The following RRM1 variants were observed in gnomAD, a reference collection of about 807,000 sequenced individuals.
The protein encoded by RRM1 is ribonucleotide reductase catalytic subunit M1, also known as ribonucleoside-diphosphate reductase large subunit.
Under a neutral mutation model 101.5 loss-of-function variants are expected in RRM1, and 19 were observed. The observed-to-expected ratio is 0.19, with a 90% confidence interval of 0.13 to 0.27. The LOEUF is 0.27. Among genes scored for constraint, RRM1 ranks in the 10% least tolerant of loss-of-function variants. The probability of loss-of-function intolerance (pLI) is 1.00; values close to 1 mark genes in which losing one functional copy is unlikely to be tolerated. For missense variants in RRM1, 500 were observed against 962.9 expected (o/e 0.52, Z 6.36); for synonymous variants, 298 against 323.4 (o/e 0.92, Z 0.84).
Position 4,129,062 on chromosome 11 carries a change from T to C in RRM1, c.1693-12T>C. The C allele has an allele frequency of 6.6e-7, 1 of 1,519,612 alleles. No homozygotes were observed. The highest frequency in any genetic ancestry group is 1.9e-5 in the Admixed American group (1 of 52,102). 94.1% of individuals were successfully genotyped at this position (1,519,612 alleles called of 1,614,324 possible). ...CTTGCTGTAGAATAAATTTGAGTTGTGTATTCCTTAGATTCTTCAGTATGA... is the reference window on the plus strand; with the variant it reads ...CTTGCTGTAGAATAAATTTGAGTTGCGTATTCCTTAGATTCTTCAGTATGA... On this transcript the variant is annotated splice_polypyrimidine_tract_variant and intron_variant, in intron 14 of 18. Coordinates refer to ENST00000300738, the MANE Select transcript of RRM1 (RefSeq NM_001033.5).
At chr11:4,095,254 C>T (rs2094542006) in intron 1 of RRM1, among the ~76,000 whole-genome samples, 1 of 152,260 alleles carries the variant, frequency 6.6e-6, no homozygotes, top group Non-Finnish European at 1.5e-5. Flanking sequence ...CTTTGTCATC[C>T]TGCCGCCTTT....
In RRM1 at chr11:4,094,860, T is replaced by C; in HGVS notation, c.-153T>C. 3 of 775,256 alleles carry C rather than the reference T, an allele frequency of 3.9e-6. No individual in the cohort carries two copies. In the South Asian group the frequency reaches 4.8e-5, roughly 12 times the overall value. 48.0% of individuals were successfully genotyped at this position (775,256 alleles called of 1,614,324 possible). ...GATTTGGATTGTTGCGCCTCTGCTCTGAAGAAAGTGCTGTCTGGCTCCAAC... is the reference window on the plus strand; with the variant it reads ...GATTTGGATTGTTGCGCCTCTGCTCCGAAGAAAGTGCTGTCTGGCTCCAAC... On this transcript the variant is annotated 5_prime_UTR_variant, in exon 1 of 19. Transcript: ENST00000300738.
At chr11:4,101,070 A>G (rs537449484) in intron 1 of RRM1, among the ~76,000 whole-genome samples, 1 of 152,286 alleles carries the variant, frequency 6.6e-6, no homozygotes, top group African/African-American at 2.4e-5. Context: ...GGTAAGTGCA[A>G]TGGAGAAAAA....
chr11:4,133,720 A>T (rs1006672423), intron 17 of RRM1, 62 bp downstream of exon 17: 35 of 924,774 alleles, frequency 3.8e-5, no homozygotes, highest in Admixed American at 3.1e-4. Flanking sequence ...GTACCTCCTC[A>T]CTCATGCTAG....
At chr11:4,123,581 C>T (rs956800332) in intron 12 of RRM1, among the ~76,000 whole-genome samples, 197 bp downstream of exon 12, 4 of 152,116 alleles carry the variant, frequency 2.6e-5, no homozygotes, top group Non-Finnish European at 5.9e-5. Context: ...TAGTCTAAGC[C>T]GTGTGGGAAA....
intron 7 of RRM1, among the ~76,000 whole-genome samples, chr11:4,114,788 C>T (rs993310237): frequency 2.0e-5 from 3 of 152,130 alleles, no homozygotes; most frequent in Non-Finnish European, 4.4e-5. Context: ...TCTTGGCTTA[C>T]TGCAGCCTGC....
rs3216546 is a variant in RRM1 at position 4,099,943 on chromosome 11, T to TCC, written c.20-2043_20-2042dup. Among the ~76,000 whole-genome samples, 165 of 151,466 alleles carry TCC rather than the reference T, an allele frequency of 1.1e-3. 2 individuals carry two copies. Among genetic ancestry groups the TCC allele is most frequent in the African/African-American group, 2.0e-3 (82 of 41,298 alleles). On this transcript the variant is annotated intron_variant, in intron 1 of 18. Coordinates refer to ENST00000300738, the MANE Select transcript of RRM1 (RefSeq NM_001033.5). ...GAATTTTCTTTTTGCTAAGTTGCTT[T>TCC]CCCCCCCCACTGCATGTATAATTGC...
chr11:4,107,675 A>G lies in RRM1; in HGVS notation c.387+140A>G, dbSNP rs544052584. The G allele has an allele frequency of 8.3e-6, 5 of 604,764 alleles. No individual in the cohort carries two copies. In the South Asian group the frequency reaches 1.0e-4, roughly 13 times the overall value. 37.5% of individuals were successfully genotyped at this position (604,764 alleles called of 1,614,324 possible). ...ACCCTGATTCCTGATTTTCCTCTCT[A>G]GAAACAACTTTATCATTTTAAAATG... is the stretch of plus-strand genomic sequence containing the variant. On this transcript the variant is annotated intron_variant, in intron 4 of 18. Transcript: ENST00000300738.
intron 1 of RRM1, among the ~76,000 whole-genome samples, chr11:4,101,315 AT>A (rs111807668): frequency 0.016 from 2,259 of 141,904 alleles, 25 homozygotes; most frequent in African/African-American, 0.039. Flanking sequence ...GATTCTGTGG[AT>A]TTTTTTTTTT....
At position 4,119,875 on chromosome 11, in the gene RRM1, A is replaced by T. The variant is rs2094579016; in HGVS notation, c.823A>T (p.Met275Leu). ...TGGCAATTCCAATGGCCTTGTACCG[A>T]TGCTGAGAGTATATAACAACACAGC... is the stretch of plus-strand genomic sequence containing the variant. ...TNGNSNGLVP[M>L]LRVYNNTARY... Residue 275 changes from methionine to leucine, a missense_variant, in exon 9 of 19, where the codon ATG (methionine) becomes TTG (leucine). By Grantham distance (15) the Met-to-Leu change is conservative. Coordinates refer to ENST00000300738, the MANE Select transcript of RRM1 (RefSeq NM_001033.5). 2 of 1,607,912 alleles carry T rather than the reference A, an allele frequency of 1.2e-6. No individual in the cohort carries two copies.
Position 4,116,979 on chromosome 11 carries a change from AAG to A in RRM1, c.651-1339_651-1338del, listed in dbSNP as rs1554974749. Reference sequence around the variant, plus strand: ...TAAACCCTGTCTCAAAAAAAAAGAAAAGAAAAGAAAAGAAAAACAGAAAGCCA... The same window carrying A: ...TAAACCCTGTCTCAAAAAAAAAGAAAAAAAGAAAAGAAAAACAGAAAGCCA... On this transcript the variant is annotated intron_variant, in intron 7 of 18. Coordinates refer to ENST00000300738, the MANE Select transcript of RRM1 (RefSeq NM_001033.5). 3.2e-3 allele frequency among the ~76,000 whole-genome samples: 485 copies of A among 150,064 alleles called. 6 individuals carry two copies. The highest frequency in any genetic ancestry group is 0.011 in the African/African-American group (451 of 39,530).
chr11:4,122,819 G>A (rs1429251894), intron 11 of RRM1, among the ~76,000 whole-genome samples: 2 of 151,644 alleles, frequency 1.3e-5, no homozygotes, highest in Non-Finnish European at 2.9e-5. Context: ...GTTGCAGTGA[G>A]CTGAGATTGT....
chr11:4,128,078 G>C (rs1372736088), intron 14 of RRM1, among the ~76,000 whole-genome samples: 1 of 152,086 alleles, frequency 6.6e-6, no homozygotes, highest in Non-Finnish European at 1.5e-5. Context: ...TTTCAAAAGG[G>C]GCACAGTCTA....
chr11:4,133,003 G>A (rs1195276749), intron 16 of RRM1, among the ~76,000 whole-genome samples: 1 of 151,884 alleles, frequency 6.6e-6, no homozygotes, highest in Non-Finnish European at 1.5e-5. Context: ...CCCATCTTAG[G>A]CGCTATTCTT....
rs774278319 is a variant in RRM1, at chr11:4,126,740, C to T, written c.1377C>T (p.His459=). ...LALNMYVTSE[H]TYDFKKLAEV... ...TGAATATGTATGTCACATCAGAACA[C>T]ACATACGACTTTAAGAAGTTGGCTG... Residue 459 remains histidine (H), a synonymous_variant, in exon 13 of 19, where the codon CAC becomes CAT. Transcript: ENST00000300738. The T allele has an allele frequency of 6.2e-7, 1 of 1,613,448 alleles. No homozygotes were observed. The highest frequency in any genetic ancestry group is 1.3e-5 in the African/African-American group (1 of 74,896).
chr11:4,104,131 T>G (rs2094555483), intron 2 of RRM1, among the ~76,000 whole-genome samples: 1 of 151,996 alleles, frequency 6.6e-6, no homozygotes, highest in Non-Finnish European at 1.5e-5. Flanking sequence ...AAAGAAAAAC[T>G]GTGTGCTGTT....
intron 15 of RRM1, among the ~76,000 whole-genome samples, chr11:4,130,966 C>A (rs2094599044): frequency 1.3e-5 from 2 of 151,804 alleles, no homozygotes; most frequent in African/African-American, 4.8e-5. Flanking sequence ...GGAGAACCAC[C>A]CCCCAAAAAA....
rs373455304 is a variant in RRM1 at position 4,103,032 on chromosome 11, G to A, written c.108+951G>A. On this transcript the variant is annotated intron_variant, in intron 2 of 18. Transcript: ENST00000300738. ...TTTTTTCAAATCCACCCATATTTCC[G>A]TCTCCTTATTTAGGTATCTTATCCG... Among the ~76,000 whole-genome samples the A allele has an allele frequency of 3.6e-4, 55 of 152,040 alleles. No individual in the cohort carries two copies. In the East Asian group the frequency reaches 5.0e-3, roughly 14 times the overall value.
At chr11:4,113,219 A>G (rs1246192813) in intron 7 of RRM1, among the ~76,000 whole-genome samples, 3 of 152,236 alleles carry the variant, frequency 2.0e-5, no homozygotes, top group Non-Finnish European at 4.4e-5. Flanking sequence ...TTAACATTTT[A>G]TGCAGTTTAA....
Sources: gnomAD v4.1 joint callset for allele counts (sites outside exome capture counted in the v4.1 genomes callset) on GRCh38, gnomAD v4.1.1 for gene constraint, MANE v1.5 for transcripts, NCBI Gene and HGNC (gene_info 2026-07-23, HGNC 2026-07-21) for gene names.